NEGR1: variants seen among roughly 807,000 people sequenced by gnomAD.
NEGR1 encodes IgLON family member 4.
Under a neutral mutation model 40.9 loss-of-function variants are expected in NEGR1, and 10 were observed. That is an observed-to-expected ratio of 0.24 (90% CI 0.15 to 0.42). NEGR1 has a LOEUF of 0.42. NEGR1 is among the 10% of genes least tolerant of loss of function. The probability of loss-of-function intolerance (pLI) is 1.00; values close to 1 mark genes in which losing one functional copy is unlikely to be tolerated. For missense variants in NEGR1, 352 were observed against 438.9 expected, an observed-to-expected ratio of 0.80 and a Z score of 1.77; for synonymous variants, 185 against 166.8, an observed-to-expected ratio of 1.11 and a Z score of -0.84.
At chr1:71,755,880 A>C (rs1655715802) in intron 3 of NEGR1, among the ~76,000 whole-genome samples, 1 of 152,220 alleles carries the variant, frequency 6.6e-6, no homozygotes. Flanking sequence ...TGTTGAATAG[A>C]TGAGTTTTGA....
At chr1:72,041,907 A>T (rs991091625) in intron 1 of NEGR1, among the ~76,000 whole-genome samples, 1 of 144,788 alleles carries the variant, frequency 6.9e-6, no homozygotes, top group Non-Finnish European at 1.5e-5. Context: ...TTGAGTTTCA[A>T]ATATATATTA....
At chr1:71,556,441 C>T (rs372768545) in intron 6 of NEGR1, among the ~76,000 whole-genome samples, 1 of 151,458 alleles carries the variant, frequency 6.6e-6, no homozygotes, top group African/African-American at 2.4e-5. Context: ...ACAACATGAC[C>T]ATTAAGTCAA....
intron 1 of NEGR1, among the ~76,000 whole-genome samples, chr1:71,940,805 G>T (rs1645951706): frequency 6.6e-6 from 1 of 152,054 alleles, no homozygotes; most frequent in Admixed American, 6.6e-5. Context: ...CATATTTAGG[G>T]TATTTGTTAT....
chr1:71,918,131 G>T, intron 2 of NEGR1, among the ~76,000 whole-genome samples: 1 of 144,740 alleles, frequency 6.9e-6, no homozygotes, highest in African/African-American at 2.6e-5. Flanking sequence ...GCAGGAGAAT[G>T]GCGTGAACCC....
At chr1:71,750,740 G>C (rs779815092) in intron 3 of NEGR1, among the ~76,000 whole-genome samples, 14 of 152,242 alleles carry the variant, frequency 9.2e-5, no homozygotes, top group African/African-American at 2.2e-4. Flanking sequence ...TTTGGGTGGG[G>C]ACACAGCCAA....
rs1340542402 is a variant in NEGR1, at chr1:71,401,050, C to T, written c.*6396G>A. ...TCTGAAAAAGAAAAAAAAATTATGT[C>T]TCTTCATTGCAGAGAAGAATTTTTG... On this transcript the variant is annotated 3_prime_UTR_variant, in exon 7 of 7. Transcript: ENST00000357731. 1 of 152,128 alleles carries T rather than the reference C, an allele frequency of 6.6e-6. No individual in the cohort carries two copies. The allele number at this position is 152,128 out of a possible 1,614,324, so 9.4% of individuals were successfully genotyped here.
At chr1:71,683,696 T>C (rs557010003) in intron 4 of NEGR1, among the ~76,000 whole-genome samples, 2 of 152,174 alleles carry the variant, frequency 1.3e-5, no homozygotes, top group East Asian at 3.9e-4. Flanking sequence ...ACAGCTTTCC[T>C]TCACTCTGGG....
intron 4 of NEGR1, among the ~76,000 whole-genome samples, chr1:71,684,601 T>C (rs765926278): frequency 6.6e-6 from 1 of 152,212 alleles, no homozygotes; most frequent in Non-Finnish European, 1.5e-5. Flanking sequence ...CCTGACCTCA[T>C]AATTCTATAT....
intron 2 of NEGR1, among the ~76,000 whole-genome samples, chr1:71,878,599 T>A (rs1046282703): frequency 3.3e-5 from 5 of 152,204 alleles, no homozygotes; most frequent in Admixed American, 2.6e-4. Context: ...GTCACCATTA[T>A]GAAAAATAAT....
intron 2 of NEGR1, among the ~76,000 whole-genome samples, chr1:71,877,986 T>A (rs1013637045): frequency 6.6e-6 from 1 of 152,212 alleles, no homozygotes; most frequent in African/African-American, 2.4e-5. Flanking sequence ...GATATCAGGA[T>A]AATGATTTAT....
At chr1:72,202,053 A>T (rs552628707) in intron 1 of NEGR1, among the ~76,000 whole-genome samples, 20 of 152,080 alleles carry the variant, frequency 1.3e-4, no homozygotes, top group Admixed American at 1.1e-3. Context: ...TACCTGGATT[A>T]CCAAAATTAC....
chr1:72,097,640 TTTCATGCTTCGCAAAAGA>T (rs1648753331), intron 1 of NEGR1, among the ~76,000 whole-genome samples: 2 of 152,220 alleles, frequency 1.3e-5, no homozygotes. Flanking sequence ...TGCCTTCCCA[TTTCATGCTTCGCAAAAGA>T]TTCATAGAGT....
At chr1:71,545,427 A>T (rs1570011492) in intron 6 of NEGR1, among the ~76,000 whole-genome samples, 1 of 151,658 alleles carries the variant, frequency 6.6e-6, no homozygotes, top group Admixed American at 6.6e-5. Context: ...ACTCCTTTGG[A>T]AGCCAATGCC....
At chr1:71,632,251 G>A (rs984056329) in intron 4 of NEGR1, among the ~76,000 whole-genome samples, 6 of 151,226 alleles carry the variant, frequency 4.0e-5, no homozygotes, top group African/African-American at 1.5e-4. Flanking sequence ...ATGTATGCAC[G>A]TACATATTAT....
chr1:71,503,690 G>A lies in NEGR1; in HGVS notation c.940+89127C>T, dbSNP rs542610857. On this transcript the variant is annotated intron_variant, in intron 6 of 6. Transcript: ENST00000357731. ...CTCCTCTTACAAGTACTGGAATAAG[G>A]AATTTCATAAAGTAAATAAAACCAC... is the stretch of plus-strand genomic sequence containing the variant. Among the ~76,000 whole-genome samples the A allele has an allele frequency of 2.0e-5, 3 of 152,098 alleles. No individual in the cohort carries two copies. The East Asian group carries it at 5.8e-4, about 29-fold the overall frequency.
chr1:71,587,367 C>T (rs182556425), intron 6 of NEGR1, among the ~76,000 whole-genome samples: 8 of 152,224 alleles, frequency 5.3e-5, no homozygotes, highest in Admixed American at 5.2e-4. Context: ...TCTTCCATTT[C>T]CTTTTGGATA....
At chr1:71,535,936 G>A (rs993605765) in intron 6 of NEGR1, among the ~76,000 whole-genome samples, 8 of 151,658 alleles carry the variant, frequency 5.3e-5, no homozygotes, top group African/African-American at 1.9e-4. Flanking sequence ...TATAGGGTTT[G>A]GAAGGATTAA....
At position 71,978,765 on chromosome 1, in the gene NEGR1, T is replaced by C. The variant is rs192228947; in HGVS notation, c.177-43454A>G. Among the ~76,000 whole-genome samples, 5 of 152,212 alleles carry C rather than the reference T, an allele frequency of 3.3e-5. No individual in the cohort carries two copies. The East Asian group carries it at 7.7e-4, about 24-fold the overall frequency. On this transcript the variant is annotated intron_variant, in intron 1 of 6. Transcript: ENST00000357731. ...CATACACTCTTGGTGGGAGTGTATA[T>C]TAGTTCAACCTTTGTGGAATGAAGT...
chr1:71,730,032 C>T (rs17091690), intron 3 of NEGR1, among the ~76,000 whole-genome samples: 4 of 151,644 alleles, frequency 2.6e-5, no homozygotes, highest in East Asian at 3.9e-4. Flanking sequence ...ACTGTTAAAC[C>T]TGGTCATTGA....
Sources: gnomAD v4.1 joint callset for allele counts (sites outside exome capture counted in the v4.1 genomes callset) on GRCh38, gnomAD v4.1.1 for gene constraint, MANE v1.5 for transcripts, NCBI Gene and HGNC (gene_info 2026-07-23, HGNC 2026-07-21) for gene names.